The following UGGT2 variants were observed in gnomAD, a reference collection of about 807,000 sequenced individuals.
UGGT2 encodes UDP-glucose:glycoprotein glucosyltransferase 2.
Under a neutral mutation model 192.1 loss-of-function variants are expected in UGGT2, and 180 were observed. That is an observed-to-expected ratio of 0.94 (90% CI 0.83 to 1.06). The LOEUF is 1.06. Among genes scored for constraint, UGGT2 ranks in the 50% least tolerant of loss-of-function variants. The pLI, the probability that UGGT2 is intolerant of heterozygous loss-of-function variation, is 0.00. For synonymous variants in UGGT2, 580 were observed against 591.0 expected, an observed-to-expected ratio of 0.98 and a Z score of 0.27; for missense variants, 1,849 against 1,795.7, an observed-to-expected ratio of 1.03 and a Z score of -0.54.
chr13:95,887,217 CAG>C, intron 26 of UGGT2: 1 of 475,624 alleles, frequency 2.1e-6, no homozygotes, highest in South Asian at 1.5e-5. Flanking sequence ...TTAAATAATA[CAG>C]AGATGAGCAC....
chr13:95,936,280 T>C (rs2049459715), intron 17 of UGGT2, among the ~76,000 whole-genome samples: 1 of 152,240 alleles, frequency 6.6e-6, no homozygotes, highest in South Asian at 2.1e-4. Context: ...AGCCTATGCA[T>C]TTCTATCAGC....
chr13:95,912,610 A>C (rs1247401279), intron 20 of UGGT2, among the ~76,000 whole-genome samples: 1 of 152,234 alleles, frequency 6.6e-6, no homozygotes, highest in Admixed American at 6.5e-5. Flanking sequence ...ATGGAAGAAT[A>C]TTCCATGCTC....
At chr13:95,979,475 C>T (rs1436688588) in intron 10 of UGGT2, among the ~76,000 whole-genome samples, 1 of 141,384 alleles carries the variant, frequency 7.1e-6, no homozygotes, top group Non-Finnish European at 1.5e-5. Context: ...GTTTCTTCTC[C>T]ATCCTCTAGT....
intron 11 of UGGT2, among the ~76,000 whole-genome samples, chr13:95,972,320 T>A (rs2050798567): frequency 6.6e-6 from 1 of 152,154 alleles, no homozygotes; most frequent in Admixed American, 6.6e-5. Context: ...AATCTACTCT[T>A]CAATAAGAGA....
chr13:96,050,428 T>G (rs1452082210), intron 1 of UGGT2, among the ~76,000 whole-genome samples: 1 of 152,188 alleles, frequency 6.6e-6, no homozygotes, highest in African/African-American at 2.4e-5. Flanking sequence ...GGGCAAGGAC[T>G]TCATGTCTAA....
intron 29 of UGGT2, 84 bp downstream of exon 29, chr13:95,877,195 T>G: frequency 8.5e-7 from 1 of 1,175,298 alleles, no homozygotes; most frequent in Non-Finnish European, 1.2e-6. Flanking sequence ...CTTAACATTT[T>G]AATTGTTGTT....
chr13:95,813,373 A>G (rs941070323), intron 38 of UGGT2, among the ~76,000 whole-genome samples: 1 of 152,216 alleles, frequency 6.6e-6, no homozygotes, highest in Non-Finnish European at 1.5e-5. Flanking sequence ...TTTAACAAAG[A>G]ACTTGGCTGC....
chr13:95,980,805 T>C (rs905625084), intron 10 of UGGT2, among the ~76,000 whole-genome samples: 17 of 152,174 alleles, frequency 1.1e-4, no homozygotes, highest in African/African-American at 3.9e-4. Flanking sequence ...GTGACCAGCC[T>C]GGCCAACATG....
intron 4 of UGGT2, among the ~76,000 whole-genome samples, chr13:96,022,759 TA>T (rs1389394105): frequency 1.3e-5 from 2 of 152,014 alleles, no homozygotes; most frequent in Non-Finnish European, 1.5e-5. Flanking sequence ...TAAAGAGCTA[TA>T]GGCCAAATAA....
chr13:95,927,419 C>A (rs2049055130), intron 17 of UGGT2, 83 bp from the exon 18 acceptor site: 3 of 1,046,824 alleles, frequency 2.9e-6, no homozygotes, highest in Non-Finnish European at 2.7e-6. Context: ...ACAAAGATTA[C>A]TTAATCAAAA....
intron 17 of UGGT2, among the ~76,000 whole-genome samples, chr13:95,928,194 G>A (rs1409925889): frequency 6.6e-6 from 1 of 152,188 alleles, no homozygotes; most frequent in Non-Finnish European, 1.5e-5. Flanking sequence ...CTCCCAGACG[G>A]GGTGGCGGCC....
chr13:95,854,212 A>T, intron 35 of UGGT2, 103 bp downstream of exon 35: 1 of 1,329,236 alleles, frequency 7.5e-7, no homozygotes, highest in Non-Finnish European at 1.0e-6. Context: ...GGTTGCTTTT[A>T]TTGTGTAATT....
In UGGT2 at chr13:95,860,769, G is replaced by T. The variant is rs747153586; in HGVS notation, c.3740+19C>A. On this transcript the variant is annotated intron_variant, in intron 32 of 38. Transcript: ENST00000376747. ...TAAATATTTCTTTTTCAAAATATAA[G>T]GTTAAAAAATATACCTACCTTAAAA... The T allele has an allele frequency of 7.2e-7, 1 of 1,394,162 alleles. No homozygotes were observed. The highest frequency in any genetic ancestry group is 9.6e-7 in the Non-Finnish European group (1 of 1,044,784). 86.4% of individuals were successfully genotyped at this position (1,394,162 alleles called of 1,614,324 possible).
At chr13:95,950,381 G>T (rs1015908886) in intron 12 of UGGT2, among the ~76,000 whole-genome samples, 1 of 152,022 alleles carries the variant, frequency 6.6e-6, no homozygotes. Flanking sequence ...TTGAGACCCA[G>T]TAAGGCCAGA....
chr13:95,904,931 A>C (rs1359494798), intron 20 of UGGT2, among the ~76,000 whole-genome samples: 1 of 151,092 alleles, frequency 6.6e-6, no homozygotes, highest in Non-Finnish European at 1.5e-5. Context: ...AAGTGTTCCT[A>C]TTTCTCCACA....
Position 95,856,358 on chromosome 13 carries a change from A to C in UGGT2, c.3826-18T>G. 6.3e-7 allele frequency: 1 copy of C among 1,592,108 alleles called. No homozygotes were observed. Among genetic ancestry groups the C allele is most frequent in the Admixed American group, 1.9e-5 (1 of 51,852 alleles). On this transcript the variant is annotated intron_variant, in intron 33 of 38. Transcript: ENST00000376747. ...ATTACTTCCTAAAAACACACACACA[A>C]AATCAAACAATATGTTCAAGAGAAA... is the stretch of plus-strand genomic sequence containing the variant.
chr13:95,899,572 T>C (rs2048044806), intron 22 of UGGT2, among the ~76,000 whole-genome samples: 1 of 152,112 alleles, frequency 6.6e-6, no homozygotes, highest in Non-Finnish European at 1.5e-5. Flanking sequence ...ATATGAATTA[T>C]ATCAAAATGA....
At chr13:96,044,668 T>C (rs1374053328) in intron 1 of UGGT2, among the ~76,000 whole-genome samples, 1 of 152,120 alleles carries the variant, frequency 6.6e-6, no homozygotes, top group East Asian at 1.9e-4. Context: ...TGGGAGCTAT[T>C]ACAACTGACA....
chr13:95,822,101 A>G (rs1054098007), intron 38 of UGGT2, among the ~76,000 whole-genome samples: 29 of 152,098 alleles, frequency 1.9e-4, no homozygotes, highest in African/African-American at 7.0e-4. Context: ...TCTGTGAAAA[A>G]TGATAGGGTA....
Sources: gnomAD v4.1 joint callset for allele counts (sites outside exome capture counted in the v4.1 genomes callset) on GRCh38, gnomAD v4.1.1 for gene constraint, MANE v1.5 for transcripts, NCBI Gene and HGNC (gene_info 2026-07-23, HGNC 2026-07-21) for gene names.